Variants in GPM6B observed in about 807,000 individuals in gnomAD.
GPM6B encodes glycoprotein M6B.
GPM6B carries 4 observed loss-of-function variants against 27.2 expected under a neutral mutation model. The observed-to-expected ratio is 0.15, with a 90% CI of 0.07 to 0.34. The LOEUF (loss-of-function observed/expected upper bound fraction) is 0.34. Among genes scored for constraint, GPM6B ranks in the 10% least tolerant of loss-of-function variants. The pLI, the probability that GPM6B is intolerant of heterozygous loss-of-function variation, is 1.00. For synonymous variants in GPM6B, 124 were observed against 103.1 expected (o/e 1.20, Z -1.23); for missense variants, 183 against 261.9 (o/e 0.70, Z 2.08).
intron 1 of GPM6B, among the ~76,000 whole-genome samples, chrX:13,813,368 T>G (rs1465408880): frequency 8.9e-6 from 1 of 111,905 alleles, no homozygotes; most frequent in Non-Finnish European, 1.9e-5. Flanking sequence ...ATTCATTTCT[T>G]ACTTTGACTA....
chrX:13,887,867 T>C (rs976834054), intron 1 of GPM6B, among the ~76,000 whole-genome samples: 2 of 111,735 alleles, frequency 1.8e-5, no homozygotes, highest in African/African-American at 6.5e-5. Flanking sequence ...CAATGTACAG[T>C]GAAGTTTGAG....
chrX:13,804,433 C>CGGGGG (rs1427922805), intron 2 of GPM6B, among the ~76,000 whole-genome samples: 1 of 4,016 alleles, frequency 2.5e-4, no homozygotes, highest in Non-Finnish European at 5.0e-4. Flanking sequence ...GGGCGGGGGG[C>CGGGGG]GGGGGTAGCC....
chrX:13,852,367 C>T (rs748445484), intron 1 of GPM6B, among the ~76,000 whole-genome samples: 3 of 111,273 alleles, frequency 2.7e-5, no homozygotes, highest in African/African-American at 6.5e-5. Context: ...CAGACTGCCT[C>T]CTCTCAGCTC....
chrX:13,860,093 A>G (rs1441457210), intron 1 of GPM6B, among the ~76,000 whole-genome samples: 1 of 112,538 alleles, frequency 8.9e-6, no homozygotes, highest in African/African-American at 3.2e-5. Context: ...CATGCAAGCT[A>G]AGAAAAATAT....
intron 1 of GPM6B, among the ~76,000 whole-genome samples, chrX:13,920,615 G>C (rs916115670): frequency 9.0e-6 from 1 of 111,657 alleles, no homozygotes; most frequent in Admixed American, 9.5e-5. Flanking sequence ...GGTAAGGCCG[G>C]GTGCAGTGGC....
intron 1 of GPM6B, among the ~76,000 whole-genome samples, chrX:13,920,504 G>A (rs1920959152): frequency 9.1e-6 from 1 of 110,384 alleles, no homozygotes; most frequent in South Asian, 3.8e-4. Context: ...CCAAGGATTG[G>A]GAAAGCCAGG....
chrX:13,783,733 T>G (rs1384450379), intron 3 of GPM6B: 2 of 458,070 alleles, frequency 4.4e-6, no homozygotes, highest in Non-Finnish European at 7.8e-6. Context: ...GGAATGATGT[T>G]TCCTTTGCTC....
chrX:13,916,675 G>GTGTGTGTGTGTA (rs2050433038), intron 1 of GPM6B, among the ~76,000 whole-genome samples: 1 of 106,481 alleles, frequency 9.4e-6, no homozygotes, highest in Non-Finnish European at 2.0e-5. Context: ...GTGTGTGTGT[G>GTGTGTGTGTGTA]TGTGTGTGTG....
chrX:13,815,983 A>AT (rs1197075646), intron 1 of GPM6B, among the ~76,000 whole-genome samples: 1 of 112,140 alleles, frequency 8.9e-6, no homozygotes, highest in African/African-American at 3.2e-5. Context: ...ATGACAGTCT[A>AT]TGACTTTGAG....
In GPM6B at chrX:13,772,871, T is replaced by C. The variant is rs1189054077; in HGVS notation, c.*10A>G. 14 of 1,208,574 alleles carry C rather than the reference T, an allele frequency of 1.2e-5. No individual in the cohort carries two copies. The highest frequency in any genetic ancestry group is 3.0e-5 in the East Asian group (1 of 33,839). The stretch of plus-strand genomic sequence containing the variant: ...TGTAAATACGTCGGCCGAAACACTC[T>C]GGCAAACATTTATGTGTAAGAATTG... On this transcript the variant is annotated 3_prime_UTR_variant, in exon 8 of 8. Transcript: ENST00000316715.
At chrX:13,933,944 C>T (rs1353404230) in intron 1 of GPM6B, among the ~76,000 whole-genome samples, 1 of 111,434 alleles carries the variant, frequency 9.0e-6, no homozygotes, top group African/African-American at 3.3e-5. Flanking sequence ...AAAATATCAG[C>T]AAATTAATGT....
At chrX:13,813,161 C>T (rs1339767109) in intron 1 of GPM6B, among the ~76,000 whole-genome samples, 2 of 110,977 alleles carry the variant, frequency 1.8e-5, no homozygotes, top group African/African-American at 3.3e-5. Context: ...AATAGTGTGA[C>T]GTGTGTTATG....
chrX:13,812,208 C>G (rs1339094655), intron 1 of GPM6B, among the ~76,000 whole-genome samples: 1 of 109,179 alleles, frequency 9.2e-6, no homozygotes, highest in African/African-American at 3.3e-5. Flanking sequence ...CACCACCACG[C>G]CCGGCTAATT....
At chrX:13,795,141 T>A (rs1433227653) in intron 2 of GPM6B, among the ~76,000 whole-genome samples, 3 of 112,246 alleles carry the variant, frequency 2.7e-5, no homozygotes, top group African/African-American at 9.7e-5. Flanking sequence ...ACCAATGAAA[T>A]TTTTTTGACA....
chrX:13,872,163 CTTTTTTTTTTTTTTTT>C (rs72226692), intron 1 of GPM6B, among the ~76,000 whole-genome samples: 2 of 25,825 alleles, frequency 7.7e-5, no homozygotes, highest in Non-Finnish European at 1.3e-4. Flanking sequence ...TGTGACATCA[CTTTTTTTTTTTTTTTT>C]TTTTTTTTTT....
chrX:13,818,278 G>C (rs769556451), upstream of GPM6B, among the ~76,000 whole-genome samples: 13 of 112,300 alleles, frequency 1.2e-4, no homozygotes, highest in African/African-American at 3.9e-4. Context: ...ATCATGAATA[G>C]TCTGCTAGTT....
chrX:13,820,211 C>T (rs1045642661), upstream of GPM6B, among the ~76,000 whole-genome samples: 1 of 111,325 alleles, frequency 9.0e-6, no homozygotes, highest in South Asian at 3.8e-4. Context: ...AGTCAGGAGT[C>T]TCCTGCAACA....
At chrX:13,794,216 ACT>A (rs751707826) in intron 2 of GPM6B, among the ~76,000 whole-genome samples, 5 of 103,444 alleles carry the variant, frequency 4.8e-5, no homozygotes, top group Admixed American at 3.2e-4. Flanking sequence ...ATACAATCTC[ACT>A]CTGTTACCCA....
chrX:13,834,147 T>C (rs755738472), intron 1 of GPM6B, among the ~76,000 whole-genome samples: 1 of 112,904 alleles, frequency 8.9e-6, no homozygotes, highest in South Asian at 3.6e-4. Context: ...ATCCAGCTCA[T>C]CTTTCCTTTT....
Sources: gnomAD v4.1 joint callset for allele counts (sites outside exome capture counted in the v4.1 genomes callset) on GRCh38, gnomAD v4.1.1 for gene constraint, MANE v1.5 for transcripts, NCBI Gene and HGNC (gene_info 2026-07-23, HGNC 2026-07-21) for gene names.